ZNF197: variants seen among roughly 807,000 people sequenced by gnomAD.
The protein encoded by ZNF197 is VHL-associated KRAB-A domain-containing protein.
A neutral mutation model predicts 27.4 loss-of-function variants in ZNF197; 14 were observed. The ratio of observed to expected loss-of-function variants is 0.51; its 90% CI spans 0.34 to 0.80. The LOEUF is 0.80. Among genes scored for constraint, ZNF197 ranks in the 30% least tolerant of loss-of-function variants. The pLI, the probability that ZNF197 is intolerant of heterozygous loss-of-function variation, is 0.02. For synonymous variants in ZNF197, 415 were observed against 420.0 expected (o/e 0.99, Z 0.15); for missense variants, 1,090 against 1,222.6 (o/e 0.89, Z 1.62).
chr3:44,641,101 C>T (rs1702575278), intron 5 of ZNF197, among the ~76,000 whole-genome samples: 1 of 152,106 alleles, frequency 6.6e-6, no homozygotes, highest in South Asian at 2.1e-4. Context: ...AGTAAACTTC[C>T]AAAACATTTT....
Position 44,629,168 on chromosome 3 carries a change from A to T in ZNF197, c.14A>T (p.Asn5Ile). 3.7e-6 allele frequency: 6 copies of T among 1,607,610 alleles called. No individual in the cohort carries two copies. Among genetic ancestry groups the T allele is most frequent in the South Asian group, 1.1e-5 (1 of 90,182 alleles). The stretch of plus-strand genomic sequence containing the variant: ...CAAAAAACAACAATGACAAGAGAAA[A>T]TGTAGCCCACAATGCTCTGAGACAA... The part of the protein sequence containing the change: MTRE[N>I]VAHNALRQEG... Residue 5 changes from asparagine (N) to isoleucine (I), a missense_variant, in exon 2 of 6, where the codon AAT (asparagine) becomes ATT (isoleucine). By Grantham distance (149) the Asn-to-Ile change is moderately radical (BLOSUM62 -3). Transcript: ENST00000344387.
intron 3 of ZNF197, among the ~76,000 whole-genome samples, chr3:44,631,760 G>A (rs1223925950): frequency 1.3e-5 from 2 of 151,274 alleles, no homozygotes; most frequent in African/African-American, 4.9e-5. Context: ...GAGTGCAATG[G>A]CACAATCTCG....
intron 5 of ZNF197, among the ~76,000 whole-genome samples, chr3:44,635,184 C>A (rs553735646): frequency 0.012 from 1,746 of 144,812 alleles, 33 homozygotes; most frequent in African/African-American, 0.042. Context: ...AAAAAAAAAA[C>A]CAATAAAATA....
chr3:44,631,977 A>G, intron 3 of ZNF197, 128 bp from the exon 4 acceptor site: 2 of 827,694 alleles, frequency 2.4e-6, no homozygotes, highest in Non-Finnish European at 4.1e-6. Flanking sequence ...CTGGGATTAC[A>G]GGTGTGAGCC....
At chr3:44,636,340 A>G (rs1394237571) in intron 5 of ZNF197, among the ~76,000 whole-genome samples, 3 of 151,892 alleles carry the variant, frequency 2.0e-5, no homozygotes, top group Non-Finnish European at 4.4e-5. Context: ...ATCAACCCCA[A>G]AAGGAACCTT....
At chr3:44,628,319 A>C (rs1209556776) in intron 1 of ZNF197, among the ~76,000 whole-genome samples, 2 of 152,264 alleles carry the variant, frequency 1.3e-5, no homozygotes, top group African/African-American at 4.8e-5. Context: ...CTAGAGAGCA[A>C]GTCTAAGTTC....
chr3:44,629,010 G>A, intron 1 of ZNF197, 64 bp from the exon 2 acceptor site: 2 of 1,238,902 alleles, frequency 1.6e-6, no homozygotes, highest in Non-Finnish European at 2.2e-6. Flanking sequence ...GAGCTGACTG[G>A]GGCCTGGAAA....
At chr3:44,636,003 C>A (rs1160034815) in intron 5 of ZNF197, among the ~76,000 whole-genome samples, 1 of 152,122 alleles carries the variant, frequency 6.6e-6, no homozygotes, top group Non-Finnish European at 1.5e-5. Context: ...ACCATCACCA[C>A]AATAATTTTA....
intron 1 of ZNF197, 164 bp from the exon 2 acceptor site, chr3:44,628,910 T>C (rs1701821244): frequency 1.0e-5 from 4 of 386,526 alleles, no homozygotes; most frequent in East Asian, 4.9e-5. Flanking sequence ...CCCAGAGCCT[T>C]AGGCAGGGGG....
At position 44,640,644 on chromosome 3, in the gene ZNF197, C is replaced by T. The variant is rs1001152781; in HGVS notation, c.770-1256C>T. Among the ~76,000 whole-genome samples, 5 of 152,226 alleles carry T rather than the reference C, an allele frequency of 3.3e-5. No homozygotes were observed. The highest frequency in any genetic ancestry group is 1.2e-4 in the African/African-American group (5 of 41,458). Reference sequence around the variant, plus strand: ...CCGCCCTCCTCAGCCTCCCAGAGTGCTGGAATTACAGGCATGAGCCACCAT... The same window carrying T: ...CCGCCCTCCTCAGCCTCCCAGAGTGTTGGAATTACAGGCATGAGCCACCAT... On this transcript the variant is annotated intron_variant, in intron 5 of 5. Transcript: ENST00000344387. The surrounding 1 kb of genome is among the most constrained non-coding windows in gnomAD (Gnocchi z 4.0).
chr3:44,643,099 A>G lies in ZNF197; in HGVS notation c.1969A>G (p.Lys657Glu), dbSNP rs1268612232. 2 of 1,613,882 alleles carry G rather than the reference A, an allele frequency of 1.2e-6. No individual in the cohort carries two copies. Among genetic ancestry groups the G allele is most frequent in the Non-Finnish European group, 1.7e-6 (2 of 1,179,940 alleles). ...EKPYECNECG[K>E]VFILKKSLIL... ...GCCCTATGAATGTAATGAATGTGGG[A>G]AAGTTTTTATTCTGAAGAAGAGCCT... Residue 657 changes from lysine to glutamate, a missense_variant, in exon 6 of 6, where the codon AAA becomes GAA. Coordinates refer to ENST00000344387, the MANE Select transcript of ZNF197 (RefSeq NM_006991.5).
intron 3 of ZNF197, among the ~76,000 whole-genome samples, chr3:44,631,707 G>GTT (rs557334335): frequency 1.4e-4 from 19 of 133,402 alleles, no homozygotes; most frequent in Admixed American, 2.3e-4. Flanking sequence ...GGCCATTTTT[G>GTT]TTTTTTTTTT....
rs1702714910 is a variant in ZNF197, at chr3:44,642,972, G to A, written c.1842G>A (p.Arg614=). The change falls in exon 6 of 6, where the codon AGG becomes AGA. Residue 614 remains arginine (R), a synonymous_variant. Coordinates refer to ENST00000344387, the MANE Select transcript of ZNF197 (RefSeq NM_006991.5). ...AGTCAAACTTCATTGACCATAAGAG[G>A]ATGCACAGCAGAGAGAAACCTTACA... ...SSKSNFIDHK[R]MHSREKPYKC... is the part of the protein sequence containing the mutation. The A allele has an allele frequency of 6.2e-7, 1 of 1,613,806 alleles. No homozygotes were observed. Among genetic ancestry groups the A allele is most frequent in the Admixed American group, 1.7e-5 (1 of 59,958 alleles).
In ZNF197 at chr3:44,646,040, C is replaced by T. The variant is rs1263592434; in HGVS notation, c.*1820C>T. On this transcript the variant is annotated 3_prime_UTR_variant, in exon 6 of 6. Coordinates refer to ENST00000344387, the MANE Select transcript of ZNF197 (RefSeq NM_006991.5). ...TTGATTATCATAAATGTTATTAATT[C>T]AACCCCACAGTTTCTTGGGGGCTGG... The T allele has an allele frequency of 1.0e-6, 1 of 985,296 alleles. No individual in the cohort carries two copies. The highest frequency in any genetic ancestry group is 1.2e-6 in the Non-Finnish European group (1 of 829,930). The allele number at this position is 985,296 out of a possible 1,614,324, so 61.0% of individuals were successfully genotyped here. A position where few individuals can be genotyped will look rare whatever the true frequency, so the allele number is the denominator to read the frequency against.
chr3:44,626,875 A>G (rs556172503), intron 1 of ZNF197, among the ~76,000 whole-genome samples: 1 of 152,336 alleles, frequency 6.6e-6, no homozygotes, highest in Admixed American at 6.5e-5. Flanking sequence ...ATGTATGCCC[A>G]AGATTATTCA....
Position 44,645,400 on chromosome 3 carries a change from T to C in ZNF197, c.*1180T>C. On this transcript the variant is annotated 3_prime_UTR_variant, in exon 6 of 6. Transcript: ENST00000344387. ...GTATGGTGAATAGCTAACTGGAATTTAGTGTTCTAAGAATAATTTTGTTAA... is the reference window on the plus strand; with the variant it reads ...GTATGGTGAATAGCTAACTGGAATTCAGTGTTCTAAGAATAATTTTGTTAA... The C allele has an allele frequency of 1.0e-6, 1 of 985,382 alleles. No homozygotes were observed. The highest frequency in any genetic ancestry group is 1.7e-5 in the African/African-American group (1 of 57,340). The allele number at this position is 985,382 out of a possible 1,614,324, so 61.0% of individuals were successfully genotyped here.
rs996567988 is a variant in ZNF197 at position 44,648,063 on chromosome 3, A to G, written c.*3843A>G. The G allele has an allele frequency of 1.3e-5, 2 of 152,222 alleles. No individual in the cohort carries two copies. The highest frequency in any genetic ancestry group is 4.8e-5 in the African/African-American group (2 of 41,460). The allele number at this position is 152,222 out of a possible 1,614,324, so 9.4% of individuals were successfully genotyped here. A position where few individuals can be genotyped will look rare whatever the true frequency, so the allele number is the denominator to read the frequency against. Reference sequence around the variant, plus strand: ...ATTTCAAAATAAAAAGTAAAAACCAACAATGGCAACGAAAACCCAAAACTA... The same window carrying G: ...ATTTCAAAATAAAAAGTAAAAACCAGCAATGGCAACGAAAACCCAAAACTA... On this transcript the variant is annotated 3_prime_UTR_variant, in exon 6 of 6. Coordinates refer to ENST00000344387, the MANE Select transcript of ZNF197 (RefSeq NM_006991.5).
At position 44,642,474 on chromosome 3, in the gene ZNF197, C is replaced by T. The variant is rs757289486; in HGVS notation, c.1344C>T (p.His448=). 3 of 1,613,952 alleles carry T rather than the reference C, an allele frequency of 1.9e-6. No homozygotes were observed. Among genetic ancestry groups the T allele is most frequent in the Middle Eastern group, 1.6e-4 (1 of 6,082 alleles). Residue 448 remains histidine (H), a synonymous_variant, in exon 6 of 6, where the codon CAC becomes CAT. Coordinates refer to ENST00000344387, the MANE Select transcript of ZNF197 (RefSeq NM_006991.5). ...ACCTTCTAAACCATCAGAGGATCCA[C>T]ACTGGGGAGAAACCTTATAAGTGTA... The part of the protein sequence containing the change: ...SAYLLNHQRI[H]TGEKPYKCKE...
At chr3:44,632,757 A>T (rs1202202914) in intron 5 of ZNF197, among the ~76,000 whole-genome samples, 158 bp downstream of exon 5, 2 of 152,162 alleles carry the variant, frequency 1.3e-5, no homozygotes, top group African/African-American at 4.8e-5. Context: ...AACTATTATC[A>T]TTTTGATATA....
Sources: gnomAD v4.1 joint callset for allele counts (sites outside exome capture counted in the v4.1 genomes callset) on GRCh38, gnomAD v4.1.1 for gene constraint, Gnocchi (gnomAD v3.1) non-coding constraint, MANE v1.5 for transcripts, NCBI Gene and HGNC (gene_info 2026-07-23, HGNC 2026-07-21) for gene names.